SH3YL1: variants seen among roughly 807,000 people sequenced by gnomAD.
The protein encoded by SH3YL1 is SH3 and SYLF domain containing 1, also known as SH3 domain-containing YSC84-like protein 1.
A neutral mutation model predicts 45.8 loss-of-function variants in SH3YL1; 41 were observed. That is an observed-to-expected ratio of 0.89 (90% CI 0.70 to 1.16). The LOEUF (loss-of-function observed/expected upper bound fraction) is 1.16. Among genes scored for constraint, SH3YL1 ranks in the 50% most tolerant of loss-of-function variants. The pLI is 0.00. For synonymous variants in SH3YL1, 152 were observed against 151.4 expected (o/e 1.00, Z -0.03); for missense variants, 389 against 409.6 (o/e 0.95, Z 0.43).
chr2:250,107 A>C (rs901023415), intron 2 of SH3YL1, among the ~76,000 whole-genome samples: 1 of 152,246 alleles, frequency 6.6e-6, no homozygotes, highest in Non-Finnish European at 1.5e-5. Flanking sequence ...AAAATAAATT[A>C]GATATTTGAA....
rs767258092 is a variant in SH3YL1 at position 231,095 on chromosome 2, A to G, written c.630T>C (p.Phe210=). ...AEDLYEILDS[F]TEKYENEGQR... is the part of the protein sequence containing the mutation. Reference sequence around the variant, plus strand: ...GTCCTTCATTTTCATACTTTTCAGTAAAGGAATCAAGAATTTCATAAAGAT... The same window carrying G: ...GTCCTTCATTTTCATACTTTTCAGTGAAGGAATCAAGAATTTCATAAAGAT... Residue 210 remains phenylalanine (F), a synonymous_variant, in exon 7 of 10, where the codon TTT becomes TTC. Transcript: ENST00000356150. 1.9e-6 allele frequency: 3 copies of G among 1,614,120 alleles called. 1 individual carries two copies. The South Asian group carries it at 3.3e-5, about 18-fold the overall frequency.
chr2:226,963 G>A (rs1408892752), intron 8 of SH3YL1, among the ~76,000 whole-genome samples: 7 of 152,094 alleles, frequency 4.6e-5, no homozygotes, highest in African/African-American at 1.7e-4. Flanking sequence ...TGCACATGGT[G>A]GGTGGTACAC....
rs115441592 is a variant in SH3YL1, at chr2:257,432, T to C, written c.2-4317A>G. On this transcript the variant is annotated intron_variant, in intron 1 of 9. Transcript: ENST00000356150. The stretch of plus-strand genomic sequence containing the variant: ...CTCCATACTTCAATATTTGAGTCCT[T>C]GTAGATGAACTGCCACCTAACTTAA... 5.3e-3 allele frequency among the ~76,000 whole-genome samples: 811 copies of C among 152,322 alleles called. 10 individuals are homozygous for C. Among genetic ancestry groups the C allele is most frequent in the African/African-American group, 0.019 (773 of 41,566 alleles).
At chr2:263,851 G>T in intron 1 of SH3YL1, 133 bp downstream of exon 1, 2 of 713,838 alleles carry the variant, frequency 2.8e-6, no homozygotes, top group South Asian at 1.6e-5. Flanking sequence ...AACTTTGGGC[G>T]GTTTGCGGTT....
At chr2:252,340 C>A (rs539696337) in intron 2 of SH3YL1, among the ~76,000 whole-genome samples, 5 of 152,232 alleles carry the variant, frequency 3.3e-5, no homozygotes, top group South Asian at 2.1e-4. Flanking sequence ...GGTGAGTTTG[C>A]GAGGTTAGCT....
chr2:224,456 T>C (rs1667708333), intron 9 of SH3YL1, among the ~76,000 whole-genome samples: 1 of 152,252 alleles, frequency 6.6e-6, no homozygotes, highest in Non-Finnish European at 1.5e-5. Flanking sequence ...ATCTCCATTG[T>C]AAATTCAAAA....
At chr2:227,494 A>G (rs1336499829) in intron 8 of SH3YL1, among the ~76,000 whole-genome samples, 1 of 152,196 alleles carries the variant, frequency 6.6e-6, no homozygotes, top group Non-Finnish European at 1.5e-5. Flanking sequence ...ATTAAAAAGA[A>G]GCAAACAGAA....
chr2:244,245 C>T (rs1449498152), intron 4 of SH3YL1, among the ~76,000 whole-genome samples: 1 of 152,022 alleles, frequency 6.6e-6, no homozygotes, highest in Non-Finnish European at 1.5e-5. Context: ...GCCTTTAATC[C>T]CAGCACTTTG....
At chr2:223,975 A>C (rs1667688025) in intron 9 of SH3YL1, among the ~76,000 whole-genome samples, 1 of 152,238 alleles carries the variant, frequency 6.6e-6, no homozygotes, top group Non-Finnish European at 1.5e-5. Flanking sequence ...GATGCTGCTT[A>C]AGAGACCTTT....
chr2:229,403 C>A (rs2103023425), intron 8 of SH3YL1, among the ~76,000 whole-genome samples: 2 of 152,112 alleles, frequency 1.3e-5, no homozygotes, highest in Middle Eastern at 3.4e-3. Context: ...AATGAGAAAA[C>A]CTTTGAAGAT....
intron 9 of SH3YL1, 39 bp from the exon 10 acceptor site, chr2:219,040 A>T (rs761090413): frequency 2.6e-6 from 4 of 1,558,602 alleles, no homozygotes; most frequent in Non-Finnish European, 3.5e-6. Context: ...ATGTTCTTTA[A>T]GGGAGAAATT....
At chr2:249,250 C>A (rs926295183) in intron 3 of SH3YL1, among the ~76,000 whole-genome samples, 8 of 152,174 alleles carry the variant, frequency 5.3e-5, no homozygotes, top group Admixed American at 2.0e-4. Context: ...CTCGATGATA[C>A]TGCTCTTGAT....
chr2:261,363 G>A (rs911515702), intron 1 of SH3YL1: 10 of 152,046 alleles, frequency 6.6e-5, no homozygotes, highest in East Asian at 1.9e-4. Context: ...TCTCATAAAC[G>A]TCTTAAGTCC....
intron 9 of SH3YL1, among the ~76,000 whole-genome samples, chr2:219,260 A>AT (rs1358076847): frequency 1.3e-5 from 2 of 152,046 alleles, no homozygotes; most frequent in Admixed American, 6.6e-5. Context: ...TACAACTTAC[A>AT]TTTTTTCTAT....
chr2:258,814 C>T (rs1453592864), intron 1 of SH3YL1, among the ~76,000 whole-genome samples: 3 of 152,332 alleles, frequency 2.0e-5, no homozygotes, highest in Admixed American at 6.5e-5. Context: ...TAGTTCACCT[C>T]AAAGCTTCAT....
chr2:231,116 A>G lies in SH3YL1; in HGVS notation c.609T>C (p.Leu203=). ...CAGTAAAGGAATCAAGAATTTCATA[A>G]AGATCTTCGGCTTGAGCAGGCCGCG... is the stretch of plus-strand genomic sequence containing the variant. The part of the protein sequence containing the change: ...DTPRPAQAED[L]YEILDSFTEK... The change falls in exon 7 of 10, where the codon CTT becomes CTC. Residue 203 remains leucine, a synonymous_variant. Coordinates refer to ENST00000356150, the MANE Select transcript of SH3YL1 (RefSeq NM_015677.4). 6.2e-7 allele frequency: 1 copy of G among 1,614,144 alleles called. No homozygotes were observed. The highest frequency in any genetic ancestry group is 8.5e-7 in the Non-Finnish European group (1 of 1,179,992).
At chr2:264,078 G>C (rs1669732404), upstream of SH3YL1, 1 of 1,341,170 alleles carries the variant, frequency 7.5e-7, no homozygotes, top group Non-Finnish European at 9.6e-7. Context: ...CCCAGCGAGG[G>C]CGTACCTGCG....
intron 4 of SH3YL1, among the ~76,000 whole-genome samples, chr2:239,148 T>A (rs867663152): frequency 3.3e-5 from 5 of 152,300 alleles, no homozygotes; most frequent in Middle Eastern, 3.4e-3. Context: ...CAACTAGACC[T>A]TGTTAGTTAA....
intron 1 of SH3YL1, chr2:260,905 C>T (rs1306877775): frequency 6.6e-6 from 1 of 151,574 alleles, no homozygotes; most frequent in Admixed American, 6.6e-5. Context: ...GATCTGTAAA[C>T]ACGGGAAGAG....
Sources: allele counts gnomAD v4.1 joint callset (sites outside exome capture counted in the v4.1 genomes callset), GRCh38; gene constraint gnomAD v4.1.1; transcripts MANE v1.5; gene names NCBI Gene and HGNC (gene_info 2026-07-23, HGNC 2026-07-21).